The following STXBP5L variants were observed in gnomAD, a reference collection of about 807,000 sequenced individuals.
STXBP5L encodes syntaxin-binding protein 5-like.
STXBP5L carries 65 observed loss-of-function variants against 144.5 expected under a neutral mutation model. The ratio of observed to expected loss-of-function variants is 0.45; its 90% confidence interval spans 0.37 to 0.55. The LOEUF (loss-of-function observed/expected upper bound fraction) is 0.55. STXBP5L is among the 20% of genes least tolerant of loss of function. STXBP5L has a pLI of 0.00. For missense variants in STXBP5L, 1,298 were observed against 1,405.5 expected (o/e 0.92, Z 1.22); for synonymous variants, 505 against 469.6 (o/e 1.08, Z -0.97).
chr3:121,371,744 G>A (rs2046035713), intron 20 of STXBP5L, among the ~76,000 whole-genome samples: 1 of 152,234 alleles, frequency 6.6e-6, no homozygotes, highest in Non-Finnish European at 1.5e-5. Flanking sequence ...TATTCATGCT[G>A]GTAGTGGTGG....
intron 10 of STXBP5L, among the ~76,000 whole-genome samples, chr3:121,219,809 A>T (rs2048919089): frequency 6.6e-6 from 1 of 152,136 alleles, no homozygotes; most frequent in South Asian, 2.1e-4. Context: ...GGATGTTATA[A>T]GGATTAAATA....
chr3:121,151,151 T>TA (rs546507614), intron 7 of STXBP5L, among the ~76,000 whole-genome samples: 11 of 152,008 alleles, frequency 7.2e-5, no homozygotes, highest in African/African-American at 1.9e-4. Context: ...CTCTTGTATG[T>TA]AAAAAAAATC....
intron 2 of STXBP5L, among the ~76,000 whole-genome samples, chr3:120,946,408 G>T (rs1292807550): frequency 6.6e-6 from 1 of 151,630 alleles, no homozygotes; most frequent in Non-Finnish European, 1.5e-5. Context: ...CAGAAGGTAA[G>T]AAAAATAGAA....
At chr3:121,114,755 G>A (rs891766701) in intron 5 of STXBP5L, among the ~76,000 whole-genome samples, 170 bp from the exon 6 acceptor site, 7 of 151,776 alleles carry the variant, frequency 4.6e-5, no homozygotes, top group African/African-American at 7.3e-5. Context: ...TGTTTTTAAC[G>A]CTATAATATT....
intron 7 of STXBP5L, among the ~76,000 whole-genome samples, chr3:121,138,751 A>C (rs1199347487): frequency 2.0e-5 from 3 of 152,112 alleles, no homozygotes; most frequent in Non-Finnish European, 4.4e-5. Flanking sequence ...TATATTAAAA[A>C]ATTAAAATAG....
chr3:121,072,045 C>G (rs753380500), intron 5 of STXBP5L, among the ~76,000 whole-genome samples: 44 of 152,188 alleles, frequency 2.9e-4, no homozygotes, highest in Non-Finnish European at 5.7e-4. Context: ...TATGCAGTTT[C>G]CATTTGATTT....
chr3:121,245,649 T>C (rs956938091), intron 14 of STXBP5L, among the ~76,000 whole-genome samples: 3 of 151,982 alleles, frequency 2.0e-5, no homozygotes, highest in Admixed American at 2.0e-4. Context: ...ATGAGATGAA[T>C]ACATTTATAT....
chr3:121,009,862 T>C (rs530173696), intron 3 of STXBP5L, among the ~76,000 whole-genome samples: 1 of 152,052 alleles, frequency 6.6e-6, no homozygotes, highest in South Asian at 2.1e-4. Flanking sequence ...GAATGATGAA[T>C]GTTCCCTATG....
chr3:121,241,376 T>TACAC (rs4048752), intron 14 of STXBP5L, among the ~76,000 whole-genome samples: 33 of 146,912 alleles, frequency 2.2e-4, no homozygotes, highest in East Asian at 4.0e-4. Context: ...CACACACACA[T>TACAC]ACACACACAC....
chr3:121,054,233 A>C (rs1480891082), intron 5 of STXBP5L, among the ~76,000 whole-genome samples: 7 of 152,166 alleles, frequency 4.6e-5, no homozygotes, highest in Admixed American at 6.5e-5. Context: ...CAGCCATCCC[A>C]TTACTGGGTA....
At chr3:121,378,913 G>T (rs2046258854) in intron 21 of STXBP5L, 27 bp downstream of exon 21, 1 of 1,594,844 alleles carries the variant, frequency 6.3e-7, no homozygotes. Context: ...AAATTTTTTT[G>T]TTACAGTTAA....
At chr3:121,042,220 A>G (rs930493634) in intron 4 of STXBP5L, among the ~76,000 whole-genome samples, 2 of 152,014 alleles carry the variant, frequency 1.3e-5, no homozygotes, top group Admixed American at 1.3e-4. Context: ...CTCCAAATAC[A>G]TTTGTTGGAA....
intron 3 of STXBP5L, among the ~76,000 whole-genome samples, chr3:120,978,459 A>T (rs566550011): frequency 6.6e-6 from 1 of 152,072 alleles, no homozygotes; most frequent in African/African-American, 2.4e-5. Flanking sequence ...AATTTTTTTC[A>T]AGGTTTTTAA....
intron 3 of STXBP5L, among the ~76,000 whole-genome samples, chr3:120,961,262 C>G (rs915753931): frequency 1.4e-5 from 2 of 139,746 alleles, no homozygotes; most frequent in Non-Finnish European, 3.1e-5. Context: ...ATACTTTAGT[C>G]TTTCTTTTTT....
chr3:120,942,780 G>A (rs1710636196), intron 2 of STXBP5L, among the ~76,000 whole-genome samples: 1 of 151,384 alleles, frequency 6.6e-6, no homozygotes, highest in Non-Finnish European at 1.5e-5. Flanking sequence ...ATAAAACAAA[G>A]TTGAATAATA....
rs2046323673 is a variant in STXBP5L, at chr3:121,381,509, A to G, written c.2564A>G (p.Glu855Gly). 2 of 1,593,768 alleles carry G rather than the reference A, an allele frequency of 1.3e-6. 1 individual carries two copies. Among genetic ancestry groups the G allele is most frequent in the Admixed American group, 3.8e-5 (2 of 53,146 alleles). The change falls in exon 22 of 27, where the codon GAG becomes GGG. Residue 855 changes from glutamate to glycine, a missense_variant. By Grantham distance (98) the Glu-to-Gly change is moderately conservative. Transcript: ENST00000471454. ...TTAGCAGATGAACAAAGGTTTACAG[A>G]GCCAGTCATGGTATTGCCAAGTGGT... ...LPLADEQRFT[E>G]PVMVLPSGTF...
chr3:121,391,497 C>T (rs2046583014), intron 22 of STXBP5L, among the ~76,000 whole-genome samples: 1 of 152,168 alleles, frequency 6.6e-6, no homozygotes, highest in Non-Finnish European at 1.5e-5. Context: ...AGCTTTTCTG[C>T]TCTGGTTTCT....
At chr3:121,281,491 TA>T (rs1483098930) in intron 19 of STXBP5L, among the ~76,000 whole-genome samples, 1 of 152,010 alleles carries the variant, frequency 6.6e-6, no homozygotes, top group African/African-American at 2.4e-5. Context: ...TATTTATAAT[TA>T]AAAATTTAGT....
intron 3 of STXBP5L, among the ~76,000 whole-genome samples, chr3:121,018,412 A>G (rs1414089708): frequency 1.3e-5 from 2 of 152,108 alleles, no homozygotes; most frequent in East Asian, 3.9e-4. Flanking sequence ...ACCAAAATAG[A>G]TCTGTATAAA....
Sources: gnomAD v4.1 joint callset for allele counts (sites outside exome capture counted in the v4.1 genomes callset) on GRCh38, gnomAD v4.1.1 for gene constraint, MANE v1.5 for transcripts, NCBI Gene and HGNC (gene_info 2026-07-23, HGNC 2026-07-21) for gene names.